PFKFB3: variants seen among roughly 807,000 people sequenced by gnomAD.
PFKFB3 encodes 6-phosphofructo-2-kinase/fructose-2,6-bisphosphatase 3.
A neutral mutation model predicts 68.0 loss-of-function variants in PFKFB3; 33 were observed. The observed-to-expected ratio is 0.49, with a 90% CI of 0.37 to 0.65. The LOEUF is 0.65. Among genes scored for constraint, PFKFB3 ranks in the 30% least tolerant of loss-of-function variants. The pLI is 0.00. For synonymous variants in PFKFB3, 315 were observed against 288.2 expected, an observed-to-expected ratio of 1.09 and a Z score of -0.94; for missense variants, 586 against 712.2, an observed-to-expected ratio of 0.82 and a Z score of 2.02.
the PFKFB3 span, among the ~76,000 whole-genome samples, chr10:6,295,331 C>T: frequency 6.4e-4 from 98 of 152,222 alleles, no homozygotes; most frequent in Non-Finnish European, 1.1e-3. Flanking sequence ...AAGCCATTCT[C>T]CTGCCTCAGC....
intron 1 of PFKFB3, among the ~76,000 whole-genome samples, chr10:6,194,898 A>C: frequency 6.9e-6 from 1 of 144,840 alleles, no homozygotes; most frequent in Non-Finnish European, 1.5e-5. Context: ...TTTGAGACTG[A>C]GTCTTGCTCT....
intron 14 of PFKFB3, among the ~76,000 whole-genome samples, chr10:6,252,028 T>G (rs1444612236): frequency 6.6e-6 from 1 of 152,174 alleles, no homozygotes; most frequent in Non-Finnish European, 1.5e-5. Flanking sequence ...AATTTCAATT[T>G]GTAGGGATAG....
intron 1 of PFKFB3, among the ~76,000 whole-genome samples, chr10:6,183,613 AAATATATATAT>A (rs1474944183): frequency 1.2e-5 from 1 of 84,320 alleles, no homozygotes; most frequent in Non-Finnish European, 2.4e-5. Flanking sequence ...AAAAAAAAAA[AAATATATATAT>A]ATATATATGT....
At chr10:6,155,201 T>TTTTC (rs1554839908) in intron 1 of PFKFB3, among the ~76,000 whole-genome samples, 18 of 78,538 alleles carry the variant, frequency 2.3e-4, no homozygotes, top group South Asian at 1.3e-3. Context: ...TTACGAGTTT[T>TTTTC]TTTCTTTTTT....
upstream of PFKFB3, among the ~76,000 whole-genome samples, chr10:6,200,644 C>T (rs1426569720): frequency 1.3e-5 from 1 of 75,748 alleles, no homozygotes; most frequent in Non-Finnish European, 2.4e-5. Flanking sequence ...CCAGTTTGCA[C>T]TTAGATGTAA....
the PFKFB3 span, among the ~76,000 whole-genome samples, chr10:6,299,697 C>T: frequency 5.3e-4 from 81 of 152,274 alleles, no homozygotes; most frequent in Non-Finnish European, 9.0e-4. Flanking sequence ...ATACTCTTGG[C>T]GTCTCCTGGG....
At chr10:6,160,062 G>A (rs906326294) in intron 1 of PFKFB3, among the ~76,000 whole-genome samples, 5 of 141,910 alleles carry the variant, frequency 3.5e-5, no homozygotes, top group Admixed American at 2.1e-4. Context: ...CCCGGCCTAC[G>A]ATACTTTTTA....
chr10:6,288,595 G>T, the PFKFB3 span, among the ~76,000 whole-genome samples: 1 of 151,604 alleles, frequency 6.6e-6, no homozygotes, highest in South Asian at 2.1e-4. Flanking sequence ...TCTTAATCCA[G>T]TCTATCATTG....
In PFKFB3 at chr10:6,154,160, C is replaced by T. The variant is rs943062072; in HGVS notation, c.16+9147C>T. Reference sequence around the variant, plus strand: ...GAAGGGAGTGGCGGCTCAGCACGTCCTCATCTCCCATGGTAGGGCCTTGTT... The same window carrying T: ...GAAGGGAGTGGCGGCTCAGCACGTCTTCATCTCCCATGGTAGGGCCTTGTT... On this transcript the variant is annotated intron_variant, in intron 1 of 14. Transcript: ENST00000379789. The surrounding 1 kb of genome is among the most constrained non-coding windows in gnomAD (Gnocchi z 4.6). Among the ~76,000 whole-genome samples, 17 of 152,054 alleles carry T rather than the reference C, an allele frequency of 1.1e-4. No individual in the cohort carries two copies. Among genetic ancestry groups the T allele is most frequent in the Non-Finnish European group, 2.4e-4 (16 of 67,998 alleles).
Position 6,228,279 on chromosome 10 carries a change from G to A in PFKFB3, c.1515+1914G>A. ...TGCTTTCTTCCTGCTTGCTCATTTG[G>A]CCTCCTGCCTGTTAAAATATTGAGG... is the stretch of plus-strand genomic sequence containing the variant. On this transcript the variant is annotated intron_variant, in intron 14 of 14. Coordinates refer to ENST00000379775, the MANE Select transcript of PFKFB3 (RefSeq NM_004566.4). This position sits in a 1 kb window ranked among gnomAD's most constrained non-coding sequence, Gnocchi z 4.5. The A allele has an allele frequency of 2.5e-6, 4 of 1,587,138 alleles. No homozygotes were observed. Among genetic ancestry groups the A allele is most frequent in the East Asian group, 2.2e-5 (1 of 44,744 alleles).
chr10:6,255,972 G>A (rs532299876), downstream of PFKFB3, among the ~76,000 whole-genome samples: 3 of 152,154 alleles, frequency 2.0e-5, no homozygotes, highest in Admixed American at 6.5e-5. Context: ...CATTAGCCGC[G>A]TGCTTCAGCG....
At chr10:6,148,952 A>T (rs1207617179) in intron 1 of PFKFB3, among the ~76,000 whole-genome samples, 1 of 151,990 alleles carries the variant, frequency 6.6e-6, no homozygotes, top group Non-Finnish European at 1.5e-5. Context: ...GGTGGCGTGA[A>T]CTTGTAGTCC....
In PFKFB3 at chr10:6,156,127, A is replaced by ATATGTGTG. The variant is rs1554840052; in HGVS notation, c.16+11116_16+11123dup. 9.9e-3 allele frequency among the ~76,000 whole-genome samples: 461 copies of ATATGTGTG among 46,758 alleles called. 1 individual carries two copies. The highest frequency in any genetic ancestry group is 0.029 in the Middle Eastern group (4 of 138). The allele number at this position is 46,758 out of a possible 152,430, so 30.7% of individuals were successfully genotyped here. On this transcript the variant is annotated intron_variant, in intron 1 of 14. Coordinates refer to the PFKFB3 transcript ENST00000379789. Reference sequence around the variant, plus strand: ...AGAGATATTATATATATGTACATATATATGTGTGTGTGTGTGTGTGTGTGT... The same window carrying ATATGTGTG: ...AGAGATATTATATATATGTACATATATATGTGTGTATGTGTGTGTGTGTGTGTGTGTGT...
At position 6,203,031 on chromosome 10, in the gene PFKFB3, C is replaced by T. The variant is rs1010280913; in HGVS notation, c.-230C>T. 4.4e-6 allele frequency: 6 copies of T among 1,374,144 alleles called. No homozygotes were observed. Among genetic ancestry groups the T allele is most frequent in the Non-Finnish European group, 5.6e-6 (6 of 1,068,562 alleles). 85.1% of individuals were successfully genotyped at this position (1,374,144 alleles called of 1,614,324 possible). ...GAGCTTTCCGAGCGGACGAGCCGGC[C>T]GTGCCGGGCATCCCCAGCCTCGCTA... On this transcript the variant is annotated 5_prime_UTR_variant, in exon 1 of 15. Transcript: ENST00000379775.
Position 6,215,668 on chromosome 10 carries a change from C to G in PFKFB3, c.299+351C>G, listed in dbSNP as rs1434219608. Among the ~76,000 whole-genome samples, 1 of 152,212 alleles carries G rather than the reference C, an allele frequency of 6.6e-6. No homozygotes were observed. The highest frequency in any genetic ancestry group is 1.5e-5 in the Non-Finnish European group (1 of 68,038). On this transcript the variant is annotated intron_variant, in intron 3 of 14. Transcript: ENST00000379775. The surrounding 1 kb of genome is among the most constrained non-coding windows in gnomAD (Gnocchi z 4.3). ...CAGAAGCACCCTCACTGAGAATTAGCAAGTCCTGTTCATCGGGAGTGTCTG... is the reference window on the plus strand; with the variant it reads ...CAGAAGCACCCTCACTGAGAATTAGGAAGTCCTGTTCATCGGGAGTGTCTG...
At chr10:6,216,923 C>T (rs1236482405) in intron 5 of PFKFB3, 143 bp downstream of exon 5, 18 of 803,584 alleles carry the variant, frequency 2.2e-5, no homozygotes, top group South Asian at 3.2e-5. Flanking sequence ...CTGCTGCCCA[C>T]GTTTTGTGGC....
At chr10:6,179,045 A>C (rs981181638) in intron 1 of PFKFB3, among the ~76,000 whole-genome samples, 1 of 152,242 alleles carries the variant, frequency 6.6e-6, no homozygotes, top group Non-Finnish European at 1.5e-5. Flanking sequence ...AATGAAAGGC[A>C]ATGTGTTCAA....
At position 6,222,954 on chromosome 10, in the gene PFKFB3, C is replaced by T; in HGVS notation, c.1183C>T (p.Leu395=). The T allele has an allele frequency of 6.2e-7, 1 of 1,613,830 alleles. No individual in the cohort carries two copies. Among genetic ancestry groups the T allele is most frequent in the Non-Finnish European group, 8.5e-7 (1 of 1,179,850 alleles). ...VICHQAVLRC[L]LAYFLDKSAE... ...CTGCCACCAGGCCGTCCTGCGCTGC[C>T]TGCTTGCCTACTTCCTGGATAAGAG... Residue 395 remains leucine, a synonymous_variant, in exon 11 of 15, where the codon CTG becomes TTG. Coordinates refer to ENST00000379775, the MANE Select transcript of PFKFB3 (RefSeq NM_004566.4).
At position 6,216,075 on chromosome 10, in the gene PFKFB3, C is replaced by T. The variant is rs377231341; in HGVS notation, c.300-50C>T. The T allele has an allele frequency of 3.2e-6, 5 of 1,552,690 alleles. No homozygotes were observed. In the African/African-American group the frequency reaches 4.1e-5, roughly 13 times the overall value. On this transcript the variant is annotated intron_variant, in intron 3 of 14. Transcript: ENST00000379775. Reference sequence around the variant, plus strand: ...CGTGTCGGGAGTTGCTTGGGCTGCCCCAGCGGATGCACCGGCGCTGACATT... The same window carrying T: ...CGTGTCGGGAGTTGCTTGGGCTGCCTCAGCGGATGCACCGGCGCTGACATT...
Sources: gnomAD v4.1 joint callset for allele counts (sites outside exome capture counted in the v4.1 genomes callset) on GRCh38, gnomAD v4.1.1 for gene constraint, Gnocchi (gnomAD v3.1) non-coding constraint, MANE v1.5 for transcripts, NCBI Gene and HGNC (gene_info 2026-07-23, HGNC 2026-07-21) for gene names.